Variants in NHSL1 observed in about 807,000 individuals in gnomAD.
NHSL1 encodes the protein NHS like 1, also known as NHS-like protein 1.
In NHSL1, 48 loss-of-function variants were observed where a neutral mutation model predicts 95.0. The ratio of observed to expected loss-of-function variants is 0.51; its 90% confidence interval spans 0.40 to 0.64. NHSL1 has a LOEUF of 0.64. NHSL1 is among the 30% of genes least tolerant of loss of function. The pLI, the probability that NHSL1 is intolerant of heterozygous loss-of-function variation, is 0.00. For synonymous variants in NHSL1, 783 were observed against 833.9 expected (o/e 0.94, Z 1.05); for missense variants, 1,971 against 2,077.7 (o/e 0.95, Z 1.00).
chr6:138,650,337 G>A (rs1016868322), intron 1 of NHSL1: 169 of 937,538 alleles, frequency 1.8e-4, no homozygotes, highest in African/African-American at 1.2e-3. Flanking sequence ...TTTGAACACC[G>A]GGGAGTAACG....
chr6:138,581,500 T>A (rs1314832454), intron 1 of NHSL1, among the ~76,000 whole-genome samples: 2 of 151,898 alleles, frequency 1.3e-5, no homozygotes, highest in African/African-American at 4.8e-5. Context: ...GAGACCAGCC[T>A]GGCCAACATG....
At chr6:138,483,269 C>T (rs1238451620) in intron 2 of NHSL1, among the ~76,000 whole-genome samples, 1 of 152,078 alleles carries the variant, frequency 6.6e-6, no homozygotes, top group Non-Finnish European at 1.5e-5. Context: ...GATAAAATGC[C>T]CAAAGGAAAA....
chr6:138,484,544 G>A (rs1422006638), intron 2 of NHSL1, among the ~76,000 whole-genome samples: 2 of 152,080 alleles, frequency 1.3e-5, no homozygotes, highest in Non-Finnish European at 2.9e-5. Flanking sequence ...AGTCAAACTG[G>A]AAATGAATTT....
upstream of NHSL1, among the ~76,000 whole-genome samples, chr6:138,576,612 A>C (rs1783976240): frequency 6.6e-6 from 1 of 152,152 alleles, no homozygotes; most frequent in Non-Finnish European, 1.5e-5. Flanking sequence ...GGCTTGTTTA[A>C]ATTACATGTT....
intron 3 of NHSL1, 127 bp from the exon 4 acceptor site, chr6:138,447,320 G>A: frequency 1.4e-6 from 1 of 730,220 alleles, no homozygotes; most frequent in Non-Finnish European, 2.2e-6. Context: ...ATCGCTTTTA[G>A]GAACAGAAGC....
chr6:138,652,689 T>C lies in NHSL1; in HGVS notation c.96+39787A>G, dbSNP rs570391853. ...CAAATTAGTTAGATCATCACTGTTA[T>C]TCTCCAAGCAATTGAAAATACCTAC... is the stretch of plus-strand genomic sequence containing the variant. On this transcript the variant is annotated intron_variant, in intron 1 of 3. Transcript: ENST00000491526. 1.2e-4 allele frequency among the ~76,000 whole-genome samples: 18 copies of C among 152,278 alleles called. No individual in the cohort carries two copies. In the South Asian group the frequency reaches 3.7e-3, roughly 32 times the overall value.
intron 3 of NHSL1, among the ~76,000 whole-genome samples, chr6:138,456,921 C>T (rs1307971394): frequency 6.6e-6 from 1 of 151,508 alleles, no homozygotes; most frequent in Non-Finnish European, 1.5e-5. Context: ...ACTTACTCTG[C>T]CGCCCAGGCT....
rs533964140 is a variant in NHSL1, at chr6:138,485,848, T to C, written c.211+10371A>G. On this transcript the variant is annotated intron_variant, in intron 2 of 7. Transcript: ENST00000343505. Reference sequence around the variant, plus strand: ...CATATTTTTTTTAAGCCTTTAATAATATCATTTGTCTTTGAAAAGTCAACC... The same window carrying C: ...CATATTTTTTTTAAGCCTTTAATAACATCATTTGTCTTTGAAAAGTCAACC... Among the ~76,000 whole-genome samples, 4 of 152,264 alleles carry C rather than the reference T, an allele frequency of 2.6e-5. No homozygotes were observed. In the East Asian group the frequency reaches 5.8e-4, roughly 22 times the overall value.
At chr6:138,434,254 T>A (rs892174727) in intron 5 of NHSL1, among the ~76,000 whole-genome samples, 3 of 152,216 alleles carry the variant, frequency 2.0e-5, no homozygotes, top group African/African-American at 7.2e-5. Flanking sequence ...ATTATCCATC[T>A]GAAGCCATTA....
intron 1 of NHSL1, among the ~76,000 whole-genome samples, chr6:138,554,795 C>A (rs1783134998): frequency 1.3e-5 from 2 of 152,176 alleles, no homozygotes; most frequent in African/African-American, 2.4e-5. Context: ...CTGAAATTCA[C>A]CACATTCACC....
intron 3 of NHSL1, among the ~76,000 whole-genome samples, chr6:138,451,889 T>TA (rs1223610429): frequency 2.6e-5 from 4 of 152,116 alleles, no homozygotes; most frequent in African/African-American, 9.7e-5. Context: ...GCTATACAAG[T>TA]AAAAAAACAG....
At chr6:138,672,914 G>A (rs767449495) in intron 1 of NHSL1, among the ~76,000 whole-genome samples, 6 of 152,072 alleles carry the variant, frequency 3.9e-5, no homozygotes, top group East Asian at 3.9e-4. Flanking sequence ...CTACTCGGGC[G>A]GCTGAGGCAG....
chr6:138,518,847 G>A (rs111333010), intron 1 of NHSL1, among the ~76,000 whole-genome samples: 11 of 152,072 alleles, frequency 7.2e-5, no homozygotes, highest in Non-Finnish European at 8.8e-5. Context: ...GTGAAACCCC[G>A]TCTCTACCAA....
intron 5 of NHSL1, among the ~76,000 whole-genome samples, chr6:138,437,319 T>TATATATATAC (rs1379437448): frequency 9.8e-6 from 1 of 102,014 alleles, no homozygotes; most frequent in African/African-American, 4.2e-5. Context: ...TATATATATA[T>TATATATATAC]ACACACACAC....
At chr6:138,555,537 G>A (rs750094701) in intron 1 of NHSL1, among the ~76,000 whole-genome samples, 4 of 152,068 alleles carry the variant, frequency 2.6e-5, no homozygotes, top group Non-Finnish European at 5.9e-5. Flanking sequence ...GGTGCCCTTG[G>A]GTTGGTTTTT....
intron 1 of NHSL1, among the ~76,000 whole-genome samples, chr6:138,570,325 T>A (rs1783792455): frequency 6.6e-6 from 1 of 152,218 alleles, no homozygotes; most frequent in Admixed American, 6.5e-5. Flanking sequence ...CCTCCAAACA[T>A]TTTTGTTTCA....
chr6:138,680,020 C>T (rs1210132112), intron 1 of NHSL1, among the ~76,000 whole-genome samples: 1 of 152,048 alleles, frequency 6.6e-6, no homozygotes, highest in Non-Finnish European at 1.5e-5. Flanking sequence ...CTGCACTTTA[C>T]AAGTTTGGAA....
chr6:138,522,847 ATTTG>A (rs1203317722), intron 1 of NHSL1, among the ~76,000 whole-genome samples: 1 of 152,072 alleles, frequency 6.6e-6, no homozygotes, highest in African/African-American at 2.4e-5. Flanking sequence ...AGCTCTCTTA[ATTTG>A]TTTGAGTCTA....
intron 3 of NHSL1, among the ~76,000 whole-genome samples, chr6:138,455,585 G>A (rs897242698): frequency 6.9e-6 from 1 of 144,874 alleles, no homozygotes; most frequent in African/African-American, 2.6e-5. Flanking sequence ...TGGTGCTTTC[G>A]AGCTATGTGA....
Sources: gnomAD v4.1 joint callset for allele counts (sites outside exome capture counted in the v4.1 genomes callset) on GRCh38, gnomAD v4.1.1 for gene constraint, MANE v1.5 for transcripts, NCBI Gene and HGNC (gene_info 2026-07-23, HGNC 2026-07-21) for gene names.